EXT2: variants seen among roughly 807,000 people sequenced by gnomAD.
The protein encoded by EXT2 is exostosin-2.
A neutral mutation model predicts 81.6 loss-of-function variants in EXT2; 53 were observed. The observed-to-expected ratio is 0.65, with a 90% CI of 0.52 to 0.82. The LOEUF (loss-of-function observed/expected upper bound fraction) is 0.82. EXT2 is among the 40% of genes least tolerant of loss of function. The pLI is 0.00. For missense variants in EXT2, 774 were observed against 910.2 expected, an observed-to-expected ratio of 0.85 and a Z score of 1.93; for synonymous variants, 320 against 340.0, an observed-to-expected ratio of 0.94 and a Z score of 0.65.
chr11:44,107,692 G>A lies in EXT2; in HGVS notation c.-21G>A. The A allele has an allele frequency of 1.2e-6, 2 of 1,609,710 alleles. No individual in the cohort carries two copies. Among genetic ancestry groups the A allele is most frequent in the Non-Finnish European group, 1.7e-6 (2 of 1,176,300 alleles). On this transcript the variant is annotated 5_prime_UTR_variant, in exon 2 of 14. Transcript: ENST00000533608. The stretch of plus-strand genomic sequence containing the variant: ...TCTCCCTGGTGACCAGGAGTGTGAG[G>A]AAGAGGCTGTCTGTGTCATTATGTG...
At chr11:44,120,703 T>A (rs549912846) in intron 4 of EXT2, among the ~76,000 whole-genome samples, 7 of 152,334 alleles carry the variant, frequency 4.6e-5, no homozygotes, top group Middle Eastern at 3.4e-3. Flanking sequence ...TTGCTTTTAT[T>A]TTTGTTTTAA....
intron 13 of EXT2, among the ~76,000 whole-genome samples, chr11:44,236,870 GAAATACTC>G (rs538222278): frequency 7.7e-4 from 117 of 152,300 alleles, no homozygotes; most frequent in African/African-American, 2.7e-3. Flanking sequence ...AGACAGCTCT[GAAATACTC>G]TCTTTATTTC....
At chr11:44,191,483 C>T (rs1955391145) in intron 8 of EXT2, among the ~76,000 whole-genome samples, 1 of 152,192 alleles carries the variant, frequency 6.6e-6, no homozygotes, top group South Asian at 2.1e-4. Flanking sequence ...TGGTTTTATG[C>T]CCTATCTTGC....
intron 13 of EXT2, among the ~76,000 whole-genome samples, chr11:44,243,858 G>T (rs1369175488): frequency 1.3e-5 from 2 of 151,948 alleles, no homozygotes; most frequent in Non-Finnish European, 2.9e-5. Context: ...GAGGGGAAAA[G>T]ATACTCTGAC....
Position 44,171,025 on chromosome 11 carries a change from C to T in EXT2, c.1174-586C>T, listed in dbSNP as rs76208437. Among the ~76,000 whole-genome samples the T allele has an allele frequency of 5.5e-3, 839 of 152,286 alleles. 12 individuals carry two copies. The highest frequency in any genetic ancestry group is 0.019 in the African/African-American group (795 of 41,550). ...GGCCAGCATAACCTTGATACCATAACCTGACTTAGATATTATAAGTGTTGA... is the reference window on the plus strand; with the variant it reads ...GGCCAGCATAACCTTGATACCATAATCTGACTTAGATATTATAAGTGTTGA... On this transcript the variant is annotated intron_variant, in intron 7 of 13. Transcript: ENST00000533608.
chr11:44,206,761 G>T (rs1310455422), intron 9 of EXT2, 32 bp from the exon 10 acceptor site: 1 of 1,613,002 alleles, frequency 6.2e-7, no homozygotes, highest in Admixed American at 1.7e-5. Context: ...CAAAAGTTAG[G>T]AGAATAGTAA....
Position 44,244,960 on chromosome 11 carries a change from A to G in EXT2, c.*673A>G, listed in dbSNP as rs1176092701. 11 of 232,514 alleles carry G rather than the reference A, an allele frequency of 4.7e-5. No homozygotes were observed. The highest frequency in any genetic ancestry group is 2.4e-4 in the East Asian group (4 of 16,414). 14.4% of individuals were successfully genotyped at this position (232,514 alleles called of 1,614,324 possible). A position where few individuals can be genotyped will look rare whatever the true frequency, so the allele number is the denominator to read the frequency against. ...ACTGTGTCTTAAACACCAATTCCTGATAGTCCAAGGAACCACCTTTCTCCC... is the reference window on the plus strand; with the variant it reads ...ACTGTGTCTTAAACACCAATTCCTGGTAGTCCAAGGAACCACCTTTCTCCC... On this transcript the variant is annotated 3_prime_UTR_variant, in exon 14 of 14. Coordinates refer to ENST00000533608, the MANE Select transcript of EXT2 (RefSeq NM_207122.2).
intron 4 of EXT2, among the ~76,000 whole-genome samples, chr11:44,114,823 C>T (rs181672146): frequency 6.6e-6 from 1 of 152,356 alleles, no homozygotes; most frequent in African/African-American, 2.4e-5. Flanking sequence ...TCAAGGCTCT[C>T]TTTCATCTGA....
intron 8 of EXT2, among the ~76,000 whole-genome samples, chr11:44,183,378 T>C (rs1340659653): frequency 6.6e-6 from 1 of 152,222 alleles, no homozygotes; most frequent in Admixed American, 6.5e-5. Flanking sequence ...ATAGTGATTT[T>C]CCAGTTCTTA....
At chr11:44,125,291 T>G (rs1307335280) in intron 5 of EXT2, among the ~76,000 whole-genome samples, 1 of 152,208 alleles carries the variant, frequency 6.6e-6, no homozygotes, top group Non-Finnish European at 1.5e-5. Context: ...AAATGTATCT[T>G]GCTTTTACCC....
chr11:44,145,517 A>G (rs1042894760), intron 7 of EXT2, among the ~76,000 whole-genome samples: 1 of 152,166 alleles, frequency 6.6e-6, no homozygotes, highest in African/African-American at 2.4e-5. Context: ...TAGGATCATG[A>G]GCTCACATTT....
intron 8 of EXT2, among the ~76,000 whole-genome samples, chr11:44,181,226 C>T (rs1041869404): frequency 2.0e-5 from 3 of 151,954 alleles, no homozygotes; most frequent in Non-Finnish European, 4.4e-5. Flanking sequence ...CTAAGTTTTT[C>T]ATTTTAATCT....
rs188819564 is a variant in EXT2 at position 44,113,680 on chromosome 11, G to A, written c.627-505G>A. ...ATGATGGTGGAAAGAACTGCTTGAGGCAGGGATTGGAGAGAGGCTGGGGTG... is the reference window on the plus strand; with the variant it reads ...ATGATGGTGGAAAGAACTGCTTGAGACAGGGATTGGAGAGAGGCTGGGGTG... On this transcript the variant is annotated intron_variant, in intron 3 of 13. Coordinates refer to ENST00000533608, the MANE Select transcript of EXT2 (RefSeq NM_207122.2). Among the ~76,000 whole-genome samples, 7 of 152,274 alleles carry A rather than the reference G, an allele frequency of 4.6e-5. No individual in the cohort carries two copies. The East Asian group carries it at 1.4e-3, about 29-fold the overall frequency.
At chr11:44,096,335 CA>C (rs1218228586) in intron 1 of EXT2, 23 of 1,535,186 alleles carry the variant, frequency 1.5e-5, no homozygotes, top group Middle Eastern at 1.7e-4. Context: ...GGGAAGGGGC[CA>C]GGGGCATGTT....
intron 7 of EXT2, among the ~76,000 whole-genome samples, chr11:44,171,358 T>C (rs1955070458): frequency 6.6e-6 from 1 of 152,254 alleles, no homozygotes; most frequent in African/African-American, 2.4e-5. Flanking sequence ...CATCATCACA[T>C]AATTTATCTT....
rs181526532 is a variant in EXT2, at chr11:44,214,746, A to C, written c.1662+7787A>C. ...GGTTTATCCATAATCTTTTCAAAGAATTGACTTTTTTTTTTTTTTTAAAGA... is the reference window on the plus strand; with the variant it reads ...GGTTTATCCATAATCTTTTCAAAGACTTGACTTTTTTTTTTTTTTTAAAGA... On this transcript the variant is annotated intron_variant, in intron 10 of 13. Coordinates refer to ENST00000533608, the MANE Select transcript of EXT2 (RefSeq NM_207122.2). Among the ~76,000 whole-genome samples the C allele has an allele frequency of 2.7e-5, 4 of 150,092 alleles. No homozygotes were observed. The East Asian group carries it at 7.8e-4, about 29-fold the overall frequency.
chr11:44,155,643 C>T (rs1029712448), intron 7 of EXT2, among the ~76,000 whole-genome samples: 6 of 152,086 alleles, frequency 3.9e-5, no homozygotes, highest in African/African-American at 1.4e-4. Context: ...CAACTTCACT[C>T]CTCCCTACCT....
intron 7 of EXT2, among the ~76,000 whole-genome samples, chr11:44,168,315 A>G (rs1373793130): frequency 6.6e-6 from 1 of 152,228 alleles, no homozygotes; most frequent in Non-Finnish European, 1.5e-5. Context: ...GAGAGAAAAA[A>G]TACTGAAAAG....
At chr11:44,241,932 G>A (rs941468071) in intron 13 of EXT2, among the ~76,000 whole-genome samples, 19 of 152,258 alleles carry the variant, frequency 1.2e-4, no homozygotes, top group Non-Finnish European at 2.2e-4. Flanking sequence ...CGCTTCTCCA[G>A]TGTGGGCCTG....
Sources: gnomAD v4.1 joint callset for allele counts (sites outside exome capture counted in the v4.1 genomes callset) on GRCh38, gnomAD v4.1.1 for gene constraint, MANE v1.5 for transcripts, NCBI Gene and HGNC (gene_info 2026-07-23, HGNC 2026-07-21) for gene names.